The following DCLK1 variants were observed in gnomAD, a reference collection of about 807,000 sequenced individuals.
DCLK1 encodes serine/threonine-protein kinase DCLK1.
In DCLK1, 16 loss-of-function variants were observed where a neutral mutation model predicts 86.2. The observed-to-expected ratio is 0.19, with a 90% CI of 0.13 to 0.28. The LOEUF (loss-of-function observed/expected upper bound fraction) is 0.28. Among genes scored for constraint, DCLK1 ranks in the 10% least tolerant of loss-of-function variants. DCLK1 has a pLI of 1.00. For missense variants in DCLK1, 590 were observed against 940.2 expected, an observed-to-expected ratio of 0.63 and a Z score of 4.87; for synonymous variants, 369 against 370.5, an observed-to-expected ratio of 1.00 and a Z score of 0.05.
intron 3 of DCLK1, among the ~76,000 whole-genome samples, chr13:36,108,556 C>T (rs1885488774): frequency 6.6e-6 from 1 of 152,184 alleles, no homozygotes; most frequent in African/African-American, 2.4e-5. Context: ...AAACAGCAGG[C>T]TCCGGCTTTC....
At chr13:35,999,204 G>A (rs1034709534) in intron 3 of DCLK1, among the ~76,000 whole-genome samples, 3 of 151,782 alleles carry the variant, frequency 2.0e-5, no homozygotes, top group Non-Finnish European at 2.9e-5. Flanking sequence ...GCAGTGAGCC[G>A]AGATCATGCC....
intron 3 of DCLK1, among the ~76,000 whole-genome samples, chr13:36,006,119 A>C (rs1348523824): frequency 6.6e-6 from 1 of 152,196 alleles, no homozygotes; most frequent in Non-Finnish European, 1.5e-5. Context: ...CCACCATAGT[A>C]CACGTATACC....
intron 6 of DCLK1, among the ~76,000 whole-genome samples, chr13:35,851,832 GAAGA>G (rs1220571414): frequency 1.3e-5 from 2 of 152,180 alleles, no homozygotes; most frequent in African/African-American, 4.8e-5. Context: ...GATTTTAACA[GAAGA>G]AAGAAAGCTG....
At chr13:35,967,526 C>A (rs1878835186) in intron 3 of DCLK1, among the ~76,000 whole-genome samples, 1 of 152,022 alleles carries the variant, frequency 6.6e-6, no homozygotes, top group South Asian at 2.1e-4. Context: ...ATAACCTTAC[C>A]CTCAACCCCG....
rs1252383850 is a variant in DCLK1 at position 35,947,421 on chromosome 13, T to C, written c.760A>G (p.Ile254Val). 4 of 1,613,720 alleles carry C rather than the reference T, an allele frequency of 2.5e-6. No individual in the cohort carries two copies. In the South Asian group the frequency reaches 4.4e-5, roughly 18 times the overall value. ...TTCTCCGGTCCACATGCAATAAAAA[T>C]GTCATCATCACCAAAAAAGTCCTGA... ...CLQDFFGDDD[I>V]FIACGPEKFR... Residue 254 changes from isoleucine (I) to valine (V), a missense_variant, in exon 4 of 17, where the codon ATT becomes GTT. Around this residue, in one of 6 missense-constraint regions of DCLK1, gnomAD observed 195 missense variants for 365.1 expected, o/e 0.53. Transcript: ENST00000360631.
chr13:36,055,626 A>C (rs1354946542), intron 3 of DCLK1, among the ~76,000 whole-genome samples: 2 of 152,178 alleles, frequency 1.3e-5, no homozygotes, highest in Admixed American at 6.5e-5. Context: ...TACTTATATT[A>C]AATATAACAA....
intron 15 of DCLK1, among the ~76,000 whole-genome samples, chr13:35,801,907 G>T (rs1262034287): frequency 6.6e-6 from 1 of 152,092 alleles, no homozygotes; most frequent in Non-Finnish European, 1.5e-5. Context: ...AAACAAATTT[G>T]CTCACATTTA....
chr13:35,811,761 G>GA (rs1398281409), intron 11 of DCLK1, among the ~76,000 whole-genome samples: 1 of 151,930 alleles, frequency 6.6e-6, no homozygotes, highest in Non-Finnish European at 1.5e-5. Context: ...TTGAACCCGG[G>GA]AGGTGGAGGT....
chr13:36,093,281 G>T (rs1884901683), intron 3 of DCLK1, among the ~76,000 whole-genome samples: 1 of 152,154 alleles, frequency 6.6e-6, no homozygotes, highest in African/African-American at 2.4e-5. Context: ...AAGAAAGTGG[G>T]TATATTTTTC....
intron 4 of DCLK1, among the ~76,000 whole-genome samples, chr13:35,929,456 G>GTC (rs906314850): frequency 4.6e-5 from 7 of 152,200 alleles, no homozygotes; most frequent in African/African-American, 1.7e-4. Context: ...TTTGTGGGAT[G>GTC]TCCCCACTGC....
chr13:36,079,053 C>G (rs1884322373), intron 3 of DCLK1, among the ~76,000 whole-genome samples: 1 of 152,068 alleles, frequency 6.6e-6, no homozygotes, highest in Non-Finnish European at 1.5e-5. Flanking sequence ...ATTAAAGAAG[C>G]TGTGTGTCTC....
Position 35,770,030 on chromosome 13 carries a change from C to G in DCLK1, c.*4505G>C, listed in dbSNP as rs2086301723. On this transcript the variant is annotated 3_prime_UTR_variant, in exon 17 of 17. Transcript: ENST00000360631. ...CCCACTCTAACCAGAGGCATTTAAG[C>G]CTCTCCACTGAAGTTCCTGTTTCCC... 1 of 152,180 alleles carries G rather than the reference C, an allele frequency of 6.6e-6. No individual in the cohort carries two copies. Among genetic ancestry groups the G allele is most frequent in the Non-Finnish European group, 1.5e-5 (1 of 68,026 alleles). The allele number at this position is 152,180 out of a possible 1,614,324, so 9.4% of individuals were successfully genotyped here.
chr13:35,877,048 G>C (rs1459871970), intron 4 of DCLK1, among the ~76,000 whole-genome samples: 3 of 152,196 alleles, frequency 2.0e-5, no homozygotes, highest in African/African-American at 7.2e-5. Context: ...AAGCAAGTAA[G>C]CAACATTGAA....
chr13:35,860,190 T>A (rs1871301396), intron 5 of DCLK1, among the ~76,000 whole-genome samples: 1 of 152,170 alleles, frequency 6.6e-6, no homozygotes. Flanking sequence ...GCCAGGGAGA[T>A]CTGGCTTCCT....
chr13:35,948,640 T>C (rs1483645709), intron 3 of DCLK1, among the ~76,000 whole-genome samples: 1 of 152,226 alleles, frequency 6.6e-6, no homozygotes, highest in Non-Finnish European at 1.5e-5. Flanking sequence ...GGCTTTAGAC[T>C]GTCTTTCCAA....
At chr13:36,070,303 A>G (rs763268839) in intron 3 of DCLK1, among the ~76,000 whole-genome samples, 1 of 152,200 alleles carries the variant, frequency 6.6e-6, no homozygotes, top group Non-Finnish European at 1.5e-5. Context: ...TCTGAGAATT[A>G]CAAGCAACAA....
intron 3 of DCLK1, among the ~76,000 whole-genome samples, chr13:35,986,641 A>G (rs896054213): frequency 5.3e-5 from 8 of 152,138 alleles, no homozygotes; most frequent in African/African-American, 1.9e-4. Context: ...TAGCTCCTTG[A>G]GAGGGTTTCT....
chr13:35,775,852 T>C (rs909823937), intron 16 of DCLK1, among the ~76,000 whole-genome samples: 2 of 152,192 alleles, frequency 1.3e-5, no homozygotes, highest in Non-Finnish European at 2.9e-5. Flanking sequence ...CCTCATACAA[T>C]TGCAGTATAG....
In DCLK1 at chr13:35,909,151, G is replaced by A. The variant is rs993465338; in HGVS notation, c.824-37811C>T. Among the ~76,000 whole-genome samples the A allele has an allele frequency of 2.0e-5, 3 of 152,184 alleles. No homozygotes were observed. The South Asian group carries it at 6.2e-4, about 31-fold the overall frequency. ...CATGTATTTTCAATAGCACCCGGGA[G>A]CGGCATTTTATGTTGCAGAAAAAGA... On this transcript the variant is annotated intron_variant, in intron 4 of 16. Transcript: ENST00000360631.
Sources: allele counts gnomAD v4.1 joint callset (sites outside exome capture counted in the v4.1 genomes callset), GRCh38; gene constraint gnomAD v4.1.1; regional missense constraint gnomAD v4.1.1; transcripts MANE v1.5; gene names NCBI Gene and HGNC (gene_info 2026-07-23, HGNC 2026-07-21).